GALNT13: variants seen among roughly 807,000 people sequenced by gnomAD.
GALNT13 encodes the protein polypeptide N-acetylgalactosaminyltransferase 13.
Under a neutral mutation model 64.2 loss-of-function variants are expected in GALNT13, and 28 were observed. That is an observed-to-expected ratio of 0.44 (90% CI 0.32 to 0.60). The LOEUF (loss-of-function observed/expected upper bound fraction) is 0.60. Ranked by LOEUF, GALNT13 falls within the 20% of genes least tolerant of loss-of-function variation. The pLI is 0.05. For synonymous variants in GALNT13, 214 were observed against 224.6 expected, an observed-to-expected ratio of 0.95 and a Z score of 0.42; for missense variants, 577 against 669.8, an observed-to-expected ratio of 0.86 and a Z score of 1.53.
chr2:153,236,727 G>C, the GALNT13 span, among the ~76,000 whole-genome samples: 3 of 152,210 alleles, frequency 2.0e-5, no homozygotes, highest in East Asian at 5.8e-4. Flanking sequence ...CAAGAGCTAT[G>C]ATGGAGATGC....
chr2:153,286,709 T>C, the GALNT13 span, among the ~76,000 whole-genome samples: 5 of 152,310 alleles, frequency 3.3e-5, no homozygotes, highest in African/African-American at 1.2e-4. Flanking sequence ...TGATTGGGTA[T>C]GTCAACTAAA....
chr2:153,153,567 A>G, the GALNT13 span, among the ~76,000 whole-genome samples: 2 of 151,528 alleles, frequency 1.3e-5, no homozygotes, highest in African/African-American at 2.4e-5. Context: ...TAATTTTCAT[A>G]TATGGTATAA....
At chr2:153,233,941 G>A in the GALNT13 span, among the ~76,000 whole-genome samples, 4 of 152,230 alleles carry the variant, frequency 2.6e-5, no homozygotes, top group South Asian at 6.2e-4. Context: ...TCTATTTAAT[G>A]TATACATTTA....
At chr2:153,859,324 A>T in the GALNT13 span, among the ~76,000 whole-genome samples, 1 of 152,240 alleles carries the variant, frequency 6.6e-6, no homozygotes, top group Non-Finnish European at 1.5e-5. Context: ...AGATACTCAT[A>T]CACACAATCT....
intron 4 of GALNT13, among the ~76,000 whole-genome samples, chr2:154,217,829 A>G (rs1351613219): frequency 2.0e-5 from 3 of 152,148 alleles, no homozygotes; most frequent in African/African-American, 7.2e-5. Context: ...ATATTTTAAG[A>G]TGTATTTTCA....
At chr2:154,085,485 C>T (rs193273116) in intron 3 of GALNT13, among the ~76,000 whole-genome samples, 55 of 152,050 alleles carry the variant, frequency 3.6e-4, no homozygotes, top group Admixed American at 1.5e-3. Flanking sequence ...AATTCACTGA[C>T]ACTATGAAAG....
the GALNT13 span, among the ~76,000 whole-genome samples, chr2:153,170,421 A>C: frequency 2.0e-5 from 3 of 152,318 alleles, no homozygotes; most frequent in Middle Eastern, 6.8e-3. Flanking sequence ...GAGGGATTTT[A>C]TCTTTCTTTG....
At chr2:153,295,638 G>T in the GALNT13 span, among the ~76,000 whole-genome samples, 1 of 152,026 alleles carries the variant, frequency 6.6e-6, no homozygotes, top group African/African-American at 2.4e-5. Flanking sequence ...GCGCACTAAA[G>T]TTTGAGAACT....
At chr2:153,596,586 A>G in the GALNT13 span, among the ~76,000 whole-genome samples, 1 of 152,254 alleles carries the variant, frequency 6.6e-6, no homozygotes, top group Non-Finnish European at 1.5e-5. Context: ...AAACATGGCA[A>G]TAGTTTCTAA....
the GALNT13 span, among the ~76,000 whole-genome samples, chr2:153,447,335 C>T: frequency 6.6e-6 from 1 of 152,152 alleles, no homozygotes; most frequent in Non-Finnish European, 1.5e-5. Context: ...TCCAAAACTG[C>T]TAGACCAAGG....
the GALNT13 span, chr2:153,356,581 T>TAG: frequency 6.6e-6 from 1 of 152,162 alleles, no homozygotes; most frequent in Non-Finnish European, 1.5e-5. Flanking sequence ...TGTACTAACA[T>TAG]TCTAAAAGCA....
chr2:154,406,384 A>AT (rs1699541421), intron 10 of GALNT13, among the ~76,000 whole-genome samples: 1 of 152,112 alleles, frequency 6.6e-6, no homozygotes, highest in Non-Finnish European at 1.5e-5. Context: ...AGCTACTATT[A>AT]TACCATGCCT....
chr2:153,398,691 T>C, the GALNT13 span, among the ~76,000 whole-genome samples: 1 of 152,058 alleles, frequency 6.6e-6, no homozygotes, highest in Admixed American at 6.6e-5. Flanking sequence ...GAGCATTTTT[T>C]CATGTGTTTT....
At chr2:153,631,381 A>G in the GALNT13 span, among the ~76,000 whole-genome samples, 4 of 152,266 alleles carry the variant, frequency 2.6e-5, 1 homozygote, top group East Asian at 3.9e-4. Flanking sequence ...GTGAGGAATC[A>G]CCACACTGTC....
the GALNT13 span, among the ~76,000 whole-genome samples, chr2:153,336,869 C>T: frequency 6.6e-6 from 1 of 151,976 alleles, no homozygotes; most frequent in Non-Finnish European, 1.5e-5. Flanking sequence ...TGGGAGGGAC[C>T]CAGGGGGAGG....
intron 3 of GALNT13, among the ~76,000 whole-genome samples, chr2:153,971,083 T>C (rs1186112451): frequency 1.3e-5 from 2 of 152,186 alleles, no homozygotes; most frequent in Middle Eastern, 3.2e-3. Flanking sequence ...ATTCTTGCAA[T>C]GTGGCAGGTA....
At chr2:153,767,957 A>T in the GALNT13 span, among the ~76,000 whole-genome samples, 3 of 152,122 alleles carry the variant, frequency 2.0e-5, no homozygotes, top group African/African-American at 4.8e-5. Context: ...TGGTTTAATT[A>T]AATCCCATTT....
the GALNT13 span, among the ~76,000 whole-genome samples, chr2:153,810,716 G>C: frequency 6.6e-6 from 1 of 152,198 alleles, no homozygotes; most frequent in South Asian, 2.1e-4. Flanking sequence ...CAGGGCCATT[G>C]ATTGGCCTTA....
At chr2:153,296,640 G>C in the GALNT13 span, among the ~76,000 whole-genome samples, 1 of 152,076 alleles carries the variant, frequency 6.6e-6, no homozygotes, top group Non-Finnish European at 1.5e-5. Context: ...AGAATGAAAG[G>C]GTGTGATTTA....
Sources: gnomAD v4.1 joint callset for allele counts (sites outside exome capture counted in the v4.1 genomes callset) on GRCh38, gnomAD v4.1.1 for gene constraint, MANE v1.5 for transcripts, NCBI Gene and HGNC (gene_info 2026-07-23, HGNC 2026-07-21) for gene names.